Variants in CSMD1 observed in about 807,000 individuals in gnomAD.
The protein encoded by CSMD1 is CUB and sushi domain-containing protein 1.
CSMD1 carries 213 observed loss-of-function variants against 417.5 expected under a neutral mutation model. That is an observed-to-expected ratio of 0.51 (90% CI 0.46 to 0.57). CSMD1 has a LOEUF of 0.57. Ranked by LOEUF, CSMD1 falls within the 20% of genes least tolerant of loss-of-function variation. The probability of loss-of-function intolerance (pLI) is 0.00; values close to 1 mark genes in which losing one functional copy is unlikely to be tolerated. For missense variants in CSMD1, 6,923 were observed against 4,529.7 expected (o/e 1.53, Z -15.17); for synonymous variants, 2,862 against 1,736.8 (o/e 1.65, Z -16.11).
At chr8:4,531,532 G>T (rs1796817338) in intron 2 of CSMD1, among the ~76,000 whole-genome samples, 1 of 152,092 alleles carries the variant, frequency 6.6e-6, no homozygotes, top group African/African-American at 2.4e-5. Flanking sequence ...CCAGAAGGTT[G>T]GAAGGAAGGT....
At chr8:4,737,480 C>G (rs1168076398) in intron 1 of CSMD1, among the ~76,000 whole-genome samples, 2 of 152,044 alleles carry the variant, frequency 1.3e-5, no homozygotes, top group Non-Finnish European at 2.9e-5. Context: ...ACCTGTACCC[C>G]TGAAGTTAAA....
At chr8:4,004,723 A>G (rs185328985) in intron 4 of CSMD1, among the ~76,000 whole-genome samples, 2 of 152,090 alleles carry the variant, frequency 1.3e-5, no homozygotes, top group South Asian at 4.2e-4. Flanking sequence ...GAGATTGGTG[A>G]CTATTATTCT....
At chr8:3,712,912 T>C (rs1037065805) in intron 6 of CSMD1, among the ~76,000 whole-genome samples, 1 of 152,130 alleles carries the variant, frequency 6.6e-6, no homozygotes, top group African/African-American at 2.4e-5. Context: ...AGGAATAAGT[T>C]CAAGAGATCC....
At chr8:4,465,829 G>A (rs186033195) in intron 2 of CSMD1, among the ~76,000 whole-genome samples, 55 of 152,298 alleles carry the variant, frequency 3.6e-4, no homozygotes, top group African/African-American at 1.3e-3. Context: ...CATTCCTGAA[G>A]TATCTCAAGC....
At chr8:3,949,651 G>A (rs1435801116) in intron 5 of CSMD1, among the ~76,000 whole-genome samples, 1 of 151,986 alleles carries the variant, frequency 6.6e-6, no homozygotes, top group Admixed American at 6.6e-5. Context: ...GATTGAAGGG[G>A]CAACGAGGAT....
Position 3,205,586 on chromosome 8 carries a change from C to G in CSMD1, c.4902G>C (p.Gly1634=). ...GGGGGTAGTTTGGTGATAAAACTAC[C>G]CCTTCTGATCCCGTGTACTGGCCTC... is the stretch of plus-strand genomic sequence containing the variant. ...PCGGQYTGSE[G]VVLSPNYPHN... is the part of the protein sequence containing the mutation. Residue 1634 remains glycine (G), a synonymous_variant, in exon 31 of 70, where the codon GGG becomes GGC. Transcript: ENST00000635120. 1 of 1,589,436 alleles carries G rather than the reference C, an allele frequency of 6.3e-7. No homozygotes were observed. Among genetic ancestry groups the G allele is most frequent in the African/African-American group, 1.3e-5 (1 of 74,698 alleles).
chr8:4,141,502 C>T (rs1180343795), intron 3 of CSMD1, among the ~76,000 whole-genome samples: 1 of 151,212 alleles, frequency 6.6e-6, no homozygotes, highest in Non-Finnish European at 1.5e-5. Flanking sequence ...CACAATAATC[C>T]TGAGAGTTAT....
intron 54 of CSMD1, among the ~76,000 whole-genome samples, chr8:2,988,746 A>G (rs1213665766): frequency 6.6e-6 from 1 of 152,162 alleles, no homozygotes; most frequent in Admixed American, 6.5e-5. Flanking sequence ...TACTGGGTTG[A>G]GTATAATGAA....
chr8:4,602,122 C>G (rs907788894), intron 2 of CSMD1, among the ~76,000 whole-genome samples: 3 of 152,158 alleles, frequency 2.0e-5, no homozygotes, highest in African/African-American at 7.2e-5. Context: ...TCAGGAAAAT[C>G]TTTCTGCTCC....
At position 2,942,032 on chromosome 8, in the gene CSMD1, A is replaced by G. The variant is rs557538038; in HGVS notation, c.10535+440T>C. Among the ~76,000 whole-genome samples, 102 of 152,358 alleles carry G rather than the reference A, an allele frequency of 6.7e-4. 1 individual carries two copies. Among genetic ancestry groups the G allele is most frequent in the Admixed American group, 2.4e-3 (37 of 15,302 alleles). ...GTATTCTGCTTAAAAAGTAGGGCAG[A>G]AAACAACAGAAAGGACAACAAAAAA... On this transcript the variant is annotated intron_variant, in intron 69 of 69. Coordinates refer to ENST00000635120, the MANE Select transcript of CSMD1 (RefSeq NM_033225.6).
chr8:3,450,397 G>A (rs960159615), intron 12 of CSMD1, among the ~76,000 whole-genome samples: 1 of 151,766 alleles, frequency 6.6e-6, no homozygotes. Flanking sequence ...TGCCATGTTG[G>A]TGTGCTGCAC....
At chr8:3,331,365 T>C (rs762140279) in intron 23 of CSMD1, among the ~76,000 whole-genome samples, 14 of 152,166 alleles carry the variant, frequency 9.2e-5, no homozygotes, top group Non-Finnish European at 1.8e-4. Flanking sequence ...CCCACATAAT[T>C]TCAGATGTTT....
At chr8:3,868,518 C>G (rs147310671) in intron 5 of CSMD1, among the ~76,000 whole-genome samples, 3 of 152,070 alleles carry the variant, frequency 2.0e-5, no homozygotes, top group Non-Finnish European at 2.9e-5. Context: ...ACCAACACCA[C>G]CAATTCCCAA....
At chr8:4,033,550 G>C (rs1177662187) in intron 3 of CSMD1, among the ~76,000 whole-genome samples, 1 of 152,298 alleles carries the variant, frequency 6.6e-6, no homozygotes, top group Non-Finnish European at 1.5e-5. Context: ...TATATCTGAA[G>C]TGTATTGATT....
At chr8:3,039,248 C>T (rs1007536209) in intron 50 of CSMD1, among the ~76,000 whole-genome samples, 2 of 145,528 alleles carry the variant, frequency 1.4e-5, no homozygotes, top group African/African-American at 2.8e-5. Context: ...AATCTGACTC[C>T]CGTGCCTGAA....
intron 23 of CSMD1, among the ~76,000 whole-genome samples, chr8:3,312,480 G>C (rs948667737): frequency 1.6e-4 from 24 of 152,282 alleles, no homozygotes; most frequent in African/African-American, 5.1e-4. Flanking sequence ...AAAGTTGAAA[G>C]TATTTGGCCA....
intron 3 of CSMD1, among the ~76,000 whole-genome samples, chr8:4,074,815 A>G (rs1162647433): frequency 1.3e-5 from 2 of 152,064 alleles, no homozygotes; most frequent in Non-Finnish European, 2.9e-5. Flanking sequence ...AATCATTTCC[A>G]TGATGCCTTT....
intron 1 of CSMD1, among the ~76,000 whole-genome samples, chr8:4,771,432 A>C (rs1438873835): frequency 1.3e-5 from 2 of 152,244 alleles, no homozygotes; most frequent in Non-Finnish European, 2.9e-5. Context: ...ATCAAATCCA[A>C]ATCAAAACAT....
intron 6 of CSMD1, among the ~76,000 whole-genome samples, chr8:3,710,955 G>A (rs1483357378): frequency 2.0e-5 from 3 of 152,146 alleles, no homozygotes; most frequent in South Asian, 2.1e-4. Flanking sequence ...GTGAGATCCC[G>A]AAGCAATGCC....
Sources: allele counts gnomAD v4.1 joint callset (sites outside exome capture counted in the v4.1 genomes callset), GRCh38; gene constraint gnomAD v4.1.1; transcripts MANE v1.5; gene names NCBI Gene and HGNC (gene_info 2026-07-23, HGNC 2026-07-21).